The following TRPS1 variants were observed in gnomAD, a reference collection of about 807,000 sequenced individuals.
TRPS1 encodes transcriptional repressor GATA binding 1.
A neutral mutation model predicts 101.2 loss-of-function variants in TRPS1; 6 were observed. The ratio of observed to expected loss-of-function variants is 0.06; its 90% CI spans 0.03 to 0.12. The LOEUF (loss-of-function observed/expected upper bound fraction) is 0.12, where lower values mean the gene tolerates loss of function less well. Among genes scored for constraint, TRPS1 ranks in the 10% least tolerant of loss-of-function variants. The pLI, the probability that TRPS1 is intolerant of heterozygous loss-of-function variation, is 1.00. For missense variants in TRPS1, 1,363 were observed against 1,567.0 expected (o/e 0.87, Z 2.20); for synonymous variants, 578 against 589.8 (o/e 0.98, Z 0.29).
intron 1 of TRPS1, among the ~76,000 whole-genome samples, chr8:115,642,791 G>A (rs1818931409): frequency 6.8e-6 from 1 of 147,878 alleles, no homozygotes; most frequent in Non-Finnish European, 1.5e-5. Context: ...TCCCCAAAAA[G>A]ACATATTTGG....
At chr8:115,524,705 G>A (rs1048337085) in intron 5 of TRPS1, among the ~76,000 whole-genome samples, 6 of 151,552 alleles carry the variant, frequency 4.0e-5, no homozygotes, top group African/African-American at 1.5e-4. Flanking sequence ...ATAAATCTGT[G>A]GTAAACAAAC....
At chr8:115,527,282 C>T (rs1368186455) in intron 5 of TRPS1, among the ~76,000 whole-genome samples, 1 of 151,702 alleles carries the variant, frequency 6.6e-6, no homozygotes, top group East Asian at 1.9e-4. Flanking sequence ...ATGTGCCTCA[C>T]AAAAGAATGA....
intron 4 of TRPS1, among the ~76,000 whole-genome samples, chr8:115,588,852 G>C (rs897188337): frequency 6.6e-6 from 1 of 152,156 alleles, no homozygotes; most frequent in Non-Finnish European, 1.5e-5. Flanking sequence ...TCCTTGCCAG[G>C]CACTGGGTAC....
chr8:115,529,431 C>T (rs1460078307), intron 5 of TRPS1, among the ~76,000 whole-genome samples: 1 of 151,938 alleles, frequency 6.6e-6, no homozygotes, highest in African/African-American at 2.4e-5. Context: ...ATATTGCTTC[C>T]ATGTTTTTAT....
chr8:115,630,950 T>C (rs765623294), intron 1 of TRPS1, among the ~76,000 whole-genome samples: 1 of 152,072 alleles, frequency 6.6e-6, no homozygotes, highest in African/African-American at 2.4e-5. Flanking sequence ...CAAGACGCCA[T>C]GTTACAAAGG....
At chr8:115,633,500 T>C (rs1231205876) in intron 1 of TRPS1, among the ~76,000 whole-genome samples, 1 of 152,150 alleles carries the variant, frequency 6.6e-6, no homozygotes, top group Non-Finnish European at 1.5e-5. Flanking sequence ...AACTAATATT[T>C]CTTGAGTACT....
intron 5 of TRPS1, among the ~76,000 whole-genome samples, chr8:115,582,329 A>G (rs1308754541): frequency 1.3e-5 from 2 of 152,178 alleles, no homozygotes; most frequent in Non-Finnish European, 2.9e-5. Context: ...TCACTTGTTT[A>G]AACGTCTGTT....
Position 115,668,037 on chromosome 8 carries a change from G to A in TRPS1, c.-122+508C>T, listed in dbSNP as rs935204455. On this transcript the variant is annotated intron_variant, in intron 1 of 6. Transcript: ENST00000395715. ...TCAGCCAGAAAGAGACAGCGAGGGG[G>A]AGTGGGGCTGCGAGGGGGAGGGGGC... 7.0e-5 allele frequency: 54 copies of A among 766,152 alleles called. 2 individuals carry two copies. The highest frequency in any genetic ancestry group is 1.0e-4 in the Non-Finnish European group (48 of 478,270). The allele number at this position is 766,152 out of a possible 1,614,324, so 47.5% of individuals were successfully genotyped here. A position where few individuals can be genotyped will look rare whatever the true frequency, so the allele number is the denominator to read the frequency against.
At chr8:115,491,178 T>C (rs1815012403) in intron 5 of TRPS1, among the ~76,000 whole-genome samples, 1 of 152,222 alleles carries the variant, frequency 6.6e-6, no homozygotes, top group African/African-American at 2.4e-5. Context: ...ATTTCCCTCT[T>C]TTGTAGCTTT....
chr8:115,485,829 G>A (rs1254486706), intron 5 of TRPS1, among the ~76,000 whole-genome samples: 1 of 152,220 alleles, frequency 6.6e-6, no homozygotes, highest in Non-Finnish European at 1.5e-5. Flanking sequence ...ATGGTCAGGA[G>A]AGAGGAAATT....
intron 5 of TRPS1, among the ~76,000 whole-genome samples, chr8:115,445,739 T>C (rs1407689831): frequency 4.6e-5 from 7 of 152,100 alleles, no homozygotes; most frequent in Non-Finnish European, 1.0e-4. Context: ...ATGGCTTTAA[T>C]AAAAGGCTAA....
intron 5 of TRPS1, among the ~76,000 whole-genome samples, chr8:115,462,998 C>T (rs1814225789): frequency 6.6e-6 from 1 of 152,174 alleles, no homozygotes. Context: ...TAAGTCTCAA[C>T]TTTCTCATCT....
chr8:115,647,918 G>C (rs1811456838), intron 1 of TRPS1, among the ~76,000 whole-genome samples: 1 of 150,114 alleles, frequency 6.7e-6, no homozygotes, highest in South Asian at 2.1e-4. Context: ...AAAAAAAAAA[G>C]CATGACTTTT....
At chr8:115,524,319 C>CTTTTTTTTTTTTTT (rs139406462) in intron 5 of TRPS1, among the ~76,000 whole-genome samples, 2 of 70,712 alleles carry the variant, frequency 2.8e-5, no homozygotes, top group Non-Finnish European at 4.8e-5. Flanking sequence ...CTTCTTCTTC[C>CTTTTTTTTTTTTTT]TTTTTTTTTT....
At chr8:115,431,634 G>T (rs112249520) in intron 5 of TRPS1, among the ~76,000 whole-genome samples, 128 of 151,958 alleles carry the variant, frequency 8.4e-4, no homozygotes, top group Non-Finnish European at 1.5e-3. Flanking sequence ...GTCCTTTCTA[G>T]AACATAAAGG....
At chr8:115,471,816 C>T (rs115981478) in intron 5 of TRPS1, among the ~76,000 whole-genome samples, 2,923 of 152,256 alleles carry the variant, frequency 0.019, 44 homozygotes, top group African/African-American at 0.044. Flanking sequence ...GTCCGAAATC[C>T]ACTAGGGCAG....
intron 5 of TRPS1, among the ~76,000 whole-genome samples, chr8:115,565,290 G>A (rs1817040396): frequency 6.6e-6 from 1 of 152,044 alleles, no homozygotes; most frequent in East Asian, 1.9e-4. Context: ...TCTTTTAGCA[G>A]GCTACCCTGC....
intron 5 of TRPS1, among the ~76,000 whole-genome samples, chr8:115,481,563 G>A (rs1368928395): frequency 6.6e-6 from 1 of 151,990 alleles, no homozygotes; most frequent in Non-Finnish European, 1.5e-5. Context: ...AAAAAACTAG[G>A]GCATAAAAAC....
intron 4 of TRPS1, 54 bp from the exon 5 acceptor site, chr8:115,587,658 A>G: frequency 1.2e-6 from 2 of 1,611,558 alleles, no homozygotes; most frequent in Non-Finnish European, 1.7e-6. Flanking sequence ...GGGTTGTTTT[A>G]TTTTTAATAG....
Sources: allele counts gnomAD v4.1 joint callset (sites outside exome capture counted in the v4.1 genomes callset), GRCh38; gene constraint gnomAD v4.1.1; transcripts MANE v1.5; gene names NCBI Gene and HGNC (gene_info 2026-07-23, HGNC 2026-07-21).